Variants in CATSPERG observed in about 807,000 individuals in gnomAD.
CATSPERG encodes catsper channel auxiliary subunit gamma.
In CATSPERG, 115 loss-of-function variants were observed where a neutral mutation model predicts 145.0. The ratio of observed to expected loss-of-function variants is 0.79; its 90% confidence interval spans 0.68 to 0.93. The LOEUF is 0.93. Ranked by LOEUF, CATSPERG falls within the 40% of genes least tolerant of loss-of-function variation. The probability of loss-of-function intolerance (pLI) is 0.00; values close to 1 mark genes in which losing one functional copy is unlikely to be tolerated. For missense variants in CATSPERG, 1,296 were observed against 1,490.1 expected, an observed-to-expected ratio of 0.87 and a Z score of 2.14; for synonymous variants, 588 against 589.0, an observed-to-expected ratio of 1.00 and a Z score of 0.02.
chr19:38,337,074 A>AGAGCAAGTGCAGGGGCGGGACCAG, intron 1 of CATSPERG, 147 bp from the exon 2 acceptor site: 1 of 946,524 alleles, frequency 1.1e-6, no homozygotes, highest in Non-Finnish European at 1.5e-6. Context: ...GGCGGGACCA[A>AGAGCAAGTGCAGGGGCGGGACCAG]GAGCAAGTGC....
Position 38,352,265 on chromosome 19 carries a change from G to A in CATSPERG, c.830G>A (p.Ser277Asn), listed in dbSNP as rs571505750. Residue 277 changes from serine to asparagine, a missense_variant, in exon 8 of 29, where the codon AGC becomes AAC. By Grantham distance (46) the Ser-to-Asn change is conservative. Coordinates refer to ENST00000409235, the MANE Select transcript of CATSPERG (RefSeq NM_021185.5). ...SFKDFSLVEL[S>N]IDSCWVGSFY... ...CTAGCCTCTGCTCCCCTGCAGCTGA[G>A]CATTGACAGTTGCTGGGTGGGCTCC... The A allele has an allele frequency of 3.9e-6, 6 of 1,551,402 alleles. No homozygotes were observed. In the South Asian group the frequency reaches 4.8e-5, roughly 12 times the overall value.
At chr19:38,362,080 C>A in intron 17 of CATSPERG, 130 bp from the exon 18 acceptor site, 2 of 1,083,026 alleles carry the variant, frequency 1.8e-6, no homozygotes, top group Non-Finnish European at 2.7e-6. Context: ...TGGGGATGGG[C>A]TGGGGTGTGT....
chr19:38,358,637 G>C, intron 13 of CATSPERG, 76 bp downstream of exon 13: 1 of 1,574,286 alleles, frequency 6.4e-7, no homozygotes, highest in Non-Finnish European at 8.7e-7. Flanking sequence ...ACCCTTTCAA[G>C]CCCAGGCTAG....
At chr19:38,362,861 G>C in intron 20 of CATSPERG, 29 bp downstream of exon 20, 5 of 1,210,434 alleles carry the variant, frequency 4.1e-6, no homozygotes, top group Non-Finnish European at 6.0e-6. Flanking sequence ...TTGGGATCAA[G>C]GGAGGTTTTG....
intron 20 of CATSPERG, among the ~76,000 whole-genome samples, chr19:38,363,716 A>G (rs1041143170): frequency 6.6e-6 from 1 of 151,926 alleles, no homozygotes; most frequent in African/African-American, 2.4e-5. Context: ...CACATCTTGC[A>G]CCGCCCTTAA....
chr19:38,344,897 ATATAT>A lies in CATSPERG; in HGVS notation c.669+531_669+535del, dbSNP rs1970010472. Among the ~76,000 whole-genome samples, 6 of 104,628 alleles carry A rather than the reference ATATAT, an allele frequency of 5.7e-5. 1 individual carries two copies. Among genetic ancestry groups the A allele is most frequent in the African/African-American group, 1.0e-4 (3 of 28,600 alleles). 68.6% of individuals were successfully genotyped at this position (104,628 alleles called of 152,430 possible). A position where few individuals can be genotyped will look rare whatever the true frequency, so the allele number is the denominator to read the frequency against. ...CACACACACACATATATATATATAT[ATATAT>A]TTTTTTTTTTTTTTTTTTTTTTGAG... is the stretch of plus-strand genomic sequence containing the variant. On this transcript the variant is annotated intron_variant, in intron 6 of 28. Coordinates refer to ENST00000409235, the MANE Select transcript of CATSPERG (RefSeq NM_021185.5).
Position 38,337,452 on chromosome 19 carries a change from C to G in CATSPERG, c.218C>G (p.Thr73Arg). 1 of 1,552,156 alleles carries G rather than the reference C, an allele frequency of 6.4e-7. No individual in the cohort carries two copies. The highest frequency in any genetic ancestry group is 1.4e-5 in the African/African-American group (1 of 73,160). The stretch of plus-strand genomic sequence containing the variant: ...TTCTTTGAGCAAGAGCCCGTGGACA[C>G]AGTGAGCAGCTTGTTTCACATGCTG... ...DSFFEQEPVD[T>R]VSSLFHMLVD... The change falls in exon 2 of 29, where the codon ACA becomes AGA. Residue 73 changes from threonine to arginine, a missense_variant. Transcript: ENST00000409235.
chr19:38,346,383 C>A, intron 6 of CATSPERG, 67 bp from the exon 7 acceptor site: 1 of 1,441,536 alleles, frequency 6.9e-7, no homozygotes, highest in South Asian at 1.4e-5. Flanking sequence ...AGGCCTTGGA[C>A]CTAAATGAGA....
intron 7 of CATSPERG, among the ~76,000 whole-genome samples, chr19:38,351,748 ATAAAAAT>A (rs1295864454): frequency 2.0e-5 from 3 of 152,158 alleles, no homozygotes; most frequent in Non-Finnish European, 4.4e-5. Flanking sequence ...CTCTACAAAA[ATAAAAAT>A]TAAAAAATTA....
chr19:38,354,852 G>A lies in CATSPERG; in HGVS notation c.1135+5G>A. On this transcript the variant is annotated splice_donor_5th_base_variant and intron_variant, in intron 9 of 28. Transcript: ENST00000409235. ...TACACTTCGGGACCATCAGAGGTAA[G>A]GGTGTGGGCCTCTGTCAGCCCCAGG... is the stretch of plus-strand genomic sequence containing the variant. 6.2e-7 allele frequency: 1 copy of A among 1,613,672 alleles called. No individual in the cohort carries two copies. Among genetic ancestry groups the A allele is most frequent in the Non-Finnish European group, 8.5e-7 (1 of 1,179,788 alleles).
chr19:38,365,107 C>T lies in CATSPERG; in HGVS notation c.2603C>T (p.Pro868Leu). The T allele has an allele frequency of 1.9e-6, 3 of 1,613,594 alleles. 1 individual carries two copies. Among genetic ancestry groups the T allele is most frequent in the African/African-American group, 2.7e-5 (2 of 75,000 alleles). The change falls in exon 22 of 29, where the codon CCC becomes CTC. Residue 868 changes from proline to leucine, a missense_variant. Physicochemically the swap from Pro to Leu is moderately conservative, Grantham distance 98. Coordinates refer to ENST00000409235, the MANE Select transcript of CATSPERG (RefSeq NM_021185.5). ...GLCFQETHLGPHMQGNLMVPV... is the reference protein window; with the variant it reads ...GLCFQETHLGLHMQGNLMVPV... ...TGCTTCCAGGAAACACACCTGGGGCCCCATATGCAAGTATTGGAGCTTGGG... is the reference window on the plus strand; with the variant it reads ...TGCTTCCAGGAAACACACCTGGGGCTCCATATGCAAGTATTGGAGCTTGGG...
In CATSPERG at chr19:38,354,887, A is replaced by G. The variant is rs751003247; in HGVS notation, c.1135+40A>G. 8 of 1,596,968 alleles carry G rather than the reference A, an allele frequency of 5.0e-6. No homozygotes were observed. The South Asian group carries it at 8.9e-5, about 18-fold the overall frequency. ...CTCTGTCAGCCCCAGGGACCCCTCC[A>G]TACCCTCTCTCACCTCCGAGAATTC... is the stretch of plus-strand genomic sequence containing the variant. On this transcript the variant is annotated intron_variant, in intron 9 of 28. Coordinates refer to ENST00000409235, the MANE Select transcript of CATSPERG (RefSeq NM_021185.5).
At chr19:38,363,144 G>C (rs1387609348) in intron 20 of CATSPERG, among the ~76,000 whole-genome samples, 1 of 152,004 alleles carries the variant, frequency 6.6e-6, no homozygotes, top group Non-Finnish European at 1.5e-5. Flanking sequence ...ATTCAACCGA[G>C]TCTCCTGCCT....
chr19:38,353,994 A>G (rs1162609991), intron 8 of CATSPERG, among the ~76,000 whole-genome samples: 1 of 145,044 alleles, frequency 6.9e-6, no homozygotes, highest in Non-Finnish European at 1.5e-5. Context: ...CTGTCTCAAA[A>G]AAAAAAAAAA....
chr19:38,369,786 G>C (rs1240315700), intron 26 of CATSPERG, among the ~76,000 whole-genome samples, 186 bp from the exon 27 acceptor site: 1 of 152,190 alleles, frequency 6.6e-6, no homozygotes, highest in Non-Finnish European at 1.5e-5. Flanking sequence ...TGAATGAGTA[G>C]ACAACCTGTG....
intron 20 of CATSPERG, among the ~76,000 whole-genome samples, chr19:38,364,400 G>A (rs933259120): frequency 6.6e-6 from 1 of 151,600 alleles, no homozygotes; most frequent in Non-Finnish European, 1.5e-5. Context: ...CATCTCAGAC[G>A]ATGGGCGGCC....
chr19:38,342,797 C>G (rs1026866554), intron 3 of CATSPERG, among the ~76,000 whole-genome samples: 1 of 152,014 alleles, frequency 6.6e-6, no homozygotes, highest in Non-Finnish European at 1.5e-5. Flanking sequence ...TGGTGCTGTT[C>G]TGCATGCCTG....
chr19:38,336,138 A>C, intron 1 of CATSPERG: 1 of 454,694 alleles, frequency 2.2e-6, no homozygotes, highest in Non-Finnish European at 4.4e-6. Context: ...GCAGGTGTTA[A>C]TGGCATGGGA....
At chr19:38,353,767 GC>G (rs1177120054) in intron 8 of CATSPERG, among the ~76,000 whole-genome samples, 1 of 150,228 alleles carries the variant, frequency 6.7e-6, no homozygotes, top group Non-Finnish European at 1.5e-5. Flanking sequence ...CTTTGGGAGG[GC>G]GGATCACGAG....
Sources: allele counts gnomAD v4.1 joint callset (sites outside exome capture counted in the v4.1 genomes callset), GRCh38; gene constraint gnomAD v4.1.1; transcripts MANE v1.5; gene names NCBI Gene and HGNC (gene_info 2026-07-23, HGNC 2026-07-21).